The following MYH14 variants were observed in gnomAD, a reference collection of about 807,000 sequenced individuals.
MYH14 encodes the protein myosin heavy chain 14.
MYH14 carries 123 observed loss-of-function variants against 255.5 expected under a neutral mutation model. The observed-to-expected ratio is 0.48, with a 90% confidence interval of 0.42 to 0.56. The LOEUF is 0.56. Ranked by LOEUF, MYH14 falls within the 20% of genes least tolerant of loss-of-function variation. The probability of loss-of-function intolerance (pLI) is 0.00; values close to 1 mark genes in which losing one functional copy is unlikely to be tolerated. For missense variants in MYH14, 2,423 were observed against 2,802.3 expected (o/e 0.86, Z 3.06); for synonymous variants, 1,095 against 1,161.2 (o/e 0.94, Z 1.16).
chr19:50,263,397 C>A lies in MYH14; in HGVS notation c.2671C>A (p.Gln891Lys). ...CAAYLKLRHW[Q>K]WWRLFTKVKP... is the part of the protein sequence containing the mutation. ...GGCCTACCTCAAGCTGAGACACTGGCAGTGGTGGCGGCTGTTTACCAAGGT... is the reference window on the plus strand; with the variant it reads ...GGCCTACCTCAAGCTGAGACACTGGAAGTGGTGGCGGCTGTTTACCAAGGT... The change falls in exon 22 of 43, where the codon CAG becomes AAG. Residue 891 changes from glutamine to lysine, a missense_variant. By Grantham distance (53) the Gln-to-Lys change is moderately conservative. Coordinates refer to ENST00000642316, the MANE Select transcript of MYH14 (RefSeq NM_001145809.2). The A allele has an allele frequency of 1.2e-6, 2 of 1,603,408 alleles. No individual in the cohort carries two copies. The highest frequency in any genetic ancestry group is 2.2e-5 in the South Asian group (2 of 89,210).
In MYH14 at chr19:50,309,767, T is replaced by TGCCCCC; in HGVS notation, c.6088_6089insGCCCCC (p.Ser2030delinsCysProPro). 1.3e-6 allele frequency: 2 copies of TGCCCCC among 1,570,772 alleles called. No individual in the cohort carries two copies. Among genetic ancestry groups the TGCCCCC allele is most frequent in the Non-Finnish European group, 1.7e-6 (2 of 1,155,526 alleles). On this transcript the variant is annotated protein_altering_variant, in exon 43 of 43. Transcript: ENST00000642316. ...TGGGCCATCCCCGGAGCCTGAGGGG[T>TGCCCCC]CCCCACCAGCCCACCCCCAGTGACC...
intron 2 of MYH14, among the ~76,000 whole-genome samples, chr19:50,212,083 G>A (rs966455648): frequency 6.6e-6 from 1 of 152,180 alleles, no homozygotes; most frequent in African/African-American, 2.4e-5. Context: ...AAGCATTGGA[G>A]GTTCGTTGCA....
At chr19:50,260,403 C>T (rs960866741) in intron 19 of MYH14, among the ~76,000 whole-genome samples, 3 of 152,092 alleles carry the variant, frequency 2.0e-5, no homozygotes, top group African/African-American at 4.8e-5. Context: ...CCAGCCTGGG[C>T]GACAGAGCGA....
At chr19:50,219,905 T>C (rs750284756) in intron 3 of MYH14, among the ~76,000 whole-genome samples, 1 of 152,092 alleles carries the variant, frequency 6.6e-6, no homozygotes, top group Non-Finnish European at 1.5e-5. Flanking sequence ...ATTTACATCA[T>C]ATAACATATA....
intron 3 of MYH14, among the ~76,000 whole-genome samples, chr19:50,222,479 C>CA (rs542179852): frequency 0.031 from 2,167 of 69,410 alleles, 64 homozygotes; most frequent in Middle Eastern, 0.042. Context: ...GACTCCGTCT[C>CA]AAAAAAAAAA....
chr19:50,301,462 G>GA (rs1479785219), intron 39 of MYH14, among the ~76,000 whole-genome samples, 199 bp from the exon 40 acceptor site: 23 of 152,332 alleles, frequency 1.5e-4, no homozygotes, highest in African/African-American at 5.5e-4. Context: ...ACCCAGGGCT[G>GA]GCAGTGCTGT....
chr19:50,249,694 G>T lies in MYH14; in HGVS notation c.1527G>T (p.Lys509Asn). 6.2e-7 allele frequency: 1 copy of T among 1,614,206 alleles called. No homozygotes were observed. Among genetic ancestry groups the T allele is most frequent in the Non-Finnish European group, 8.5e-7 (1 of 1,180,054 alleles). ...EQLCINYTNE[K>N]LQQLFNHTMF... The stretch of plus-strand genomic sequence containing the variant: ...TCTGCATCAACTACACCAACGAGAA[G>T]CTGCAGCAGCTCTTCAACCACACCA... The change falls in exon 14 of 43, where the codon AAG becomes AAT. Residue 509 changes from lysine (K) to asparagine (N), a missense_variant. Lys to Asn is a moderately conservative substitution (Grantham distance 94, BLOSUM62 0). Transcript: ENST00000642316.
At chr19:50,220,677 C>T (rs1304827795) in intron 3 of MYH14, among the ~76,000 whole-genome samples, 1 of 151,916 alleles carries the variant, frequency 6.6e-6, no homozygotes, top group Non-Finnish European at 1.5e-5. Flanking sequence ...CTCAGCCTCC[C>T]GAGTGGCTGG....
At chr19:50,215,847 CT>C (rs1368033304) in intron 2 of MYH14, among the ~76,000 whole-genome samples, 1 of 152,114 alleles carries the variant, frequency 6.6e-6, no homozygotes, top group Admixed American at 6.5e-5. Flanking sequence ...GATAGTCCTG[CT>C]GCTAACCAGC....
chr19:50,283,230 G>A (rs1025542582), intron 33 of MYH14, among the ~76,000 whole-genome samples: 2 of 151,720 alleles, frequency 1.3e-5, no homozygotes, highest in African/African-American at 2.4e-5. Flanking sequence ...AGCGATTCTC[G>A]TGCCTCAGCC....
chr19:50,238,841 T>C (rs1439064038), intron 10 of MYH14, among the ~76,000 whole-genome samples: 3 of 152,142 alleles, frequency 2.0e-5, no homozygotes, highest in Non-Finnish European at 4.4e-5. Flanking sequence ...ATGGGTATCT[T>C]TGGGGTCTGT....
rs757614364 is a variant in MYH14, at chr19:50,225,614, C to A, written c.747C>A (p.Ala249=). 1 of 1,613,550 alleles carries A rather than the reference C, an allele frequency of 6.2e-7. No homozygotes were observed. Among genetic ancestry groups the A allele is most frequent in the Admixed American group, 1.7e-5 (1 of 59,998 alleles). Residue 249 remains alanine, a synonymous_variant, in exon 7 of 43, where the codon GCC becomes GCA. Coordinates refer to ENST00000642316, the MANE Select transcript of MYH14 (RefSeq NM_001145809.2). ...YGELERQLLQ[A]NPILEAFGNA... The stretch of plus-strand genomic sequence containing the variant: ...AGCTGGAGCGGCAGCTGCTTCAGGC[C>A]AACCCCATCCTAGAGGCCTTTGGCA...
At chr19:50,224,783 A>G (rs1324295077) in intron 6 of MYH14, 1 of 456,230 alleles carries the variant, frequency 2.2e-6, no homozygotes, top group Admixed American at 2.4e-5. Context: ...GAAGCACTTT[A>G]CATAGGTGGT....
intron 12 of MYH14, among the ~76,000 whole-genome samples, chr19:50,248,426 G>A (rs1448601676): frequency 2.6e-5 from 4 of 152,128 alleles, no homozygotes; most frequent in East Asian, 1.9e-4. Context: ...GGAGTGGAGC[G>A]ACCACAGGCC....
At chr19:50,204,144 T>G (rs2031603583) in intron 1 of MYH14, among the ~76,000 whole-genome samples, 1 of 152,192 alleles carries the variant, frequency 6.6e-6, no homozygotes, top group East Asian at 1.9e-4. Flanking sequence ...CGCTTTTATT[T>G]TTTATAACTA....
chr19:50,249,720 T>C lies in MYH14; in HGVS notation c.1553T>C (p.Met518Thr). 1 of 1,614,194 alleles carries C rather than the reference T, an allele frequency of 6.2e-7. No individual in the cohort carries two copies. Among genetic ancestry groups the C allele is most frequent in the Non-Finnish European group, 8.5e-7 (1 of 1,180,032 alleles). The change falls in exon 14 of 43, where the codon ATG becomes ACG. Residue 518 changes from methionine to threonine, a missense_variant. Physicochemically the swap from Met to Thr is moderately conservative, Grantham distance 81. Transcript: ENST00000642316. ...CTGCAGCAGCTCTTCAACCACACCA[T>C]GTTCGTGCTGGAGCAGGAGGAGTAC... ...EKLQQLFNHTMFVLEQEEYQR... is the reference protein window; with the variant it reads ...EKLQQLFNHTTFVLEQEEYQR...
rs533787774 is a variant in MYH14, at chr19:50,271,759, A to G, written c.3172-90A>G. On this transcript the variant is annotated intron_variant, in intron 25 of 42. Coordinates refer to ENST00000642316, the MANE Select transcript of MYH14 (RefSeq NM_001145809.2). ...AGGGTGAAAAGGAGCAGAAACATAG[A>G]TGAGAACAACACCAGAAGCTGCAGA... 33 of 1,568,464 alleles carry G rather than the reference A, an allele frequency of 2.1e-5. No homozygotes were observed. The East Asian group carries it at 7.6e-4, about 36-fold the overall frequency.
chr19:50,244,731 C>T (rs1016470488), intron 11 of MYH14, among the ~76,000 whole-genome samples: 10 of 152,142 alleles, frequency 6.6e-5, no homozygotes, highest in African/African-American at 2.2e-4. Context: ...GATCTGCCCA[C>T]CTCGGCCTCC....
chr19:50,209,551 G>A (rs184856441), intron 1 of MYH14, among the ~76,000 whole-genome samples: 3 of 152,112 alleles, frequency 2.0e-5, no homozygotes, highest in Non-Finnish European at 2.9e-5. Context: ...TTGGGAGGCC[G>A]AGGCGGGCAG....
Sources: allele counts gnomAD v4.1 joint callset (sites outside exome capture counted in the v4.1 genomes callset), GRCh38; gene constraint gnomAD v4.1.1; transcripts MANE v1.5; gene names NCBI Gene and HGNC (gene_info 2026-07-23, HGNC 2026-07-21).